The following SUSD1 variants were observed in gnomAD, a reference collection of about 807,000 sequenced individuals.
The protein encoded by SUSD1 is sushi domain-containing protein 1.
In SUSD1, 65 loss-of-function variants were observed where a neutral mutation model predicts 86.9. The observed-to-expected ratio is 0.75, with a 90% CI of 0.61 to 0.92. The LOEUF is 0.92. Among genes scored for constraint, SUSD1 ranks in the 40% least tolerant of loss-of-function variants. SUSD1 has a pLI of 0.00. For missense variants in SUSD1, 850 were observed against 929.7 expected (o/e 0.91, Z 1.11); for synonymous variants, 346 against 350.0 (o/e 0.99, Z 0.13).
chr9:112,077,383 G>C (rs573217815), intron 12 of SUSD1, among the ~76,000 whole-genome samples: 7 of 152,066 alleles, frequency 4.6e-5, no homozygotes, highest in African/African-American at 1.7e-4. Flanking sequence ...TTTGCTCAGA[G>C]CATGTGTGAA....
rs547222755 is a variant in SUSD1, at chr9:112,108,966, A to G, written c.1171+2688T>C. On this transcript the variant is annotated intron_variant, in intron 8 of 16. Transcript: ENST00000374270. ...TAAAACACGCAACCCAAACCAATCA[A>G]CCTCTAAAAAGAGAAAGAACCAAAC... 3.2e-4 allele frequency among the ~76,000 whole-genome samples: 48 copies of G among 152,148 alleles called. 1 individual carries two copies. The South Asian group carries it at 8.9e-3, about 28-fold the overall frequency.
intron 6 of SUSD1, among the ~76,000 whole-genome samples, chr9:112,119,062 T>C (rs1831447158): frequency 6.6e-6 from 1 of 152,216 alleles, no homozygotes; most frequent in South Asian, 2.1e-4. Context: ...GTTCAAATCC[T>C]GGCTCTACCA....
intron 8 of SUSD1, among the ~76,000 whole-genome samples, chr9:112,103,756 T>C (rs1212152457): frequency 1.3e-5 from 2 of 152,098 alleles, no homozygotes; most frequent in Non-Finnish European, 2.9e-5. Flanking sequence ...CTTAGCACAG[T>C]ATGGAAGAGC....
chr9:112,138,747 C>G (rs1244302795), intron 5 of SUSD1, among the ~76,000 whole-genome samples: 4 of 152,106 alleles, frequency 2.6e-5, no homozygotes, highest in Admixed American at 2.6e-4. Flanking sequence ...TGTGCCTGGC[C>G]TGCAATAAAT....
Position 112,041,131 on chromosome 9 carries a change from C to A in SUSD1, c.*361G>T. ...GAGGTTGCAGAGATTCTCTTGCAGT[C>A]AATGTCTAGAGGAGCTGACCCTCAG... On this transcript the variant is annotated 3_prime_UTR_variant, in exon 17 of 17. Coordinates refer to ENST00000374270, the MANE Select transcript of SUSD1 (RefSeq NM_022486.5). 2.4e-6 allele frequency: 1 copy of A among 409,684 alleles called. No homozygotes were observed. The allele number at this position is 409,684 out of a possible 1,614,324, so 25.4% of individuals were successfully genotyped here. A position where few individuals can be genotyped will look rare whatever the true frequency, so the allele number is the denominator to read the frequency against.
rs1005452421 is a variant in SUSD1 at position 112,111,685 on chromosome 9, C to T, written c.1140G>A (p.Ser380=). 14 of 1,613,800 alleles carry T rather than the reference C, an allele frequency of 8.7e-6. No individual in the cohort carries two copies. Among genetic ancestry groups the T allele is most frequent in the East Asian group, 6.7e-5 (3 of 44,890 alleles). Residue 380 remains serine (S), a synonymous_variant, in exon 8 of 17, where the codon TCG becomes TCA. Transcript: ENST00000374270. ...TCTGGAAACCGATGACGGCTGGCAT[C>T]GAGCGCCTGGGAGGTGCTGTGGAGA... is the stretch of plus-strand genomic sequence containing the variant. ...VNISTAPPRR[S]MPAVIGFQTA...
intron 5 of SUSD1, among the ~76,000 whole-genome samples, chr9:112,125,685 A>G (rs1831745159): frequency 6.6e-6 from 1 of 152,264 alleles, no homozygotes; most frequent in Non-Finnish European, 1.5e-5. Flanking sequence ...CTTTTTAAAC[A>G]GAAGTCCTTT....
chr9:112,042,310 C>T, intron 15 of SUSD1: 1 of 727,034 alleles, frequency 1.4e-6, no homozygotes, highest in Non-Finnish European at 2.2e-6. Context: ...TTTTTATGGG[C>T]CGTTTTCTTT....
At chr9:112,130,402 G>A (rs561178125) in intron 5 of SUSD1, among the ~76,000 whole-genome samples, 2 of 149,956 alleles carry the variant, frequency 1.3e-5, no homozygotes, top group African/African-American at 2.4e-5. Context: ...GGGAAGGGAG[G>A]GAACGGGAGG....
chr9:112,147,375 G>T (rs146989214), intron 3 of SUSD1, among the ~76,000 whole-genome samples: 1 of 152,006 alleles, frequency 6.6e-6, no homozygotes, highest in South Asian at 2.1e-4. Flanking sequence ...GCATGGTGGC[G>T]GGTGCCTGTA....
chr9:112,163,774 AG>A (rs1364962415), intron 1 of SUSD1, among the ~76,000 whole-genome samples: 4 of 152,146 alleles, frequency 2.6e-5, no homozygotes, highest in African/African-American at 9.7e-5. Flanking sequence ...CAAGCAGGGC[AG>A]ATCACTTGAG....
intron 6 of SUSD1, among the ~76,000 whole-genome samples, chr9:112,115,138 C>T (rs775923279): frequency 1.5e-4 from 23 of 152,310 alleles, no homozygotes; most frequent in Middle Eastern, 3.4e-3. Context: ...TAAATCTCTT[C>T]GCAGTCTCCA....
intron 9 of SUSD1, among the ~76,000 whole-genome samples, chr9:112,098,982 AT>A (rs1378978890): frequency 2.0e-5 from 3 of 149,534 alleles, no homozygotes; most frequent in Admixed American, 1.3e-4. Context: ...GGGCAAAATT[AT>A]TTTTTTTCCT....
chr9:112,167,112 A>AGT (rs1253536457), intron 1 of SUSD1, among the ~76,000 whole-genome samples: 6 of 42,124 alleles, frequency 1.4e-4, no homozygotes, highest in African/African-American at 4.3e-4. Flanking sequence ...TCAGTTCTCC[A>AGT]ATTTTTTTTT....
At chr9:112,059,663 G>A (rs1828624470) in intron 13 of SUSD1, among the ~76,000 whole-genome samples, 1 of 152,198 alleles carries the variant, frequency 6.6e-6, no homozygotes, top group South Asian at 2.1e-4. Context: ...ATTGTGGACA[G>A]AAAAACACAC....
rs1159437737 is a variant in SUSD1 at position 112,113,377 on chromosome 9, A to G, written c.887-509T>C. On this transcript the variant is annotated intron_variant, in intron 6 of 16. Transcript: ENST00000374270. The surrounding 1 kb of genome is among the most constrained non-coding windows in gnomAD (Gnocchi z 4.1). ...TTGGGGCAAACTAAAGAAATTCTCC[A>G]CAAGGTTCCTAGGTACTTCTGGGAC... Among the ~76,000 whole-genome samples the G allele has an allele frequency of 3.3e-5, 5 of 152,234 alleles. No homozygotes were observed. Among genetic ancestry groups the G allele is most frequent in the Non-Finnish European group, 2.9e-5 (2 of 68,044 alleles).
At chr9:112,048,252 T>C (rs10981229) in intron 15 of SUSD1, among the ~76,000 whole-genome samples, 2,589 of 152,254 alleles carry the variant, frequency 0.017, 75 homozygotes, top group African/African-American at 0.059. Context: ...TTCACAGCAA[T>C]ACCTAGAACA....
At chr9:112,069,423 A>G (rs555357123) in intron 12 of SUSD1, among the ~76,000 whole-genome samples, 37 of 152,266 alleles carry the variant, frequency 2.4e-4, no homozygotes, top group African/African-American at 8.4e-4. Flanking sequence ...ATTCTGTAGG[A>G]TACAGCTGAG....
intron 5 of SUSD1, among the ~76,000 whole-genome samples, chr9:112,124,835 T>C (rs1831701308): frequency 6.6e-6 from 1 of 152,192 alleles, no homozygotes; most frequent in Non-Finnish European, 1.5e-5. Flanking sequence ...CTGAACTTTT[T>C]AAAGCAAATT....
Sources: gnomAD v4.1 joint callset for allele counts (sites outside exome capture counted in the v4.1 genomes callset) on GRCh38, gnomAD v4.1.1 for gene constraint, Gnocchi (gnomAD v3.1) non-coding constraint, MANE v1.5 for transcripts, NCBI Gene and HGNC (gene_info 2026-07-23, HGNC 2026-07-21) for gene names.